Variants in IPO5 observed in about 807,000 individuals in gnomAD.
IPO5 encodes importin-5.
IPO5 carries 18 observed loss-of-function variants against 143.3 expected under a neutral mutation model. The observed-to-expected ratio is 0.13, with a 90% CI of 0.09 to 0.19. IPO5 has a LOEUF of 0.19. IPO5 is among the 10% of genes least tolerant of loss of function. The probability of loss-of-function intolerance (pLI) is 1.00; values close to 1 mark genes in which losing one functional copy is unlikely to be tolerated. For missense variants in IPO5, 1,013 were observed against 1,336.9 expected, an observed-to-expected ratio of 0.76 and a Z score of 3.78; for synonymous variants, 477 against 465.7, an observed-to-expected ratio of 1.02 and a Z score of -0.31.
At chr13:98,012,180 G>T in intron 20 of IPO5, 66 bp from the exon 21 acceptor site, 1 of 947,520 alleles carries the variant, frequency 1.1e-6, no homozygotes, top group South Asian at 1.3e-5. Context: ...TGATTTTGCT[G>T]TTTGTTAATA....
chr13:97,973,812 G>A (rs1033219304), intron 3 of IPO5, among the ~76,000 whole-genome samples: 3 of 152,184 alleles, frequency 2.0e-5, no homozygotes, highest in African/African-American at 7.2e-5. Context: ...GCGGAGGCCT[G>A]TAATCCTAGC....
chr13:97,979,763 C>G, intron 4 of IPO5: 1 of 402,352 alleles, frequency 2.5e-6, no homozygotes, highest in South Asian at 1.9e-5. Context: ...AACTCCTGGC[C>G]TCAAGTGATC....
At chr13:97,959,215 C>T (rs1884681853) in intron 2 of IPO5, among the ~76,000 whole-genome samples, 1 of 151,790 alleles carries the variant, frequency 6.6e-6, no homozygotes, top group Admixed American at 6.6e-5. Context: ...ACAGAACCAT[C>T]ACAATGCCCT....
At chr13:98,005,365 TTTTA>T (rs57168569) in intron 16 of IPO5, among the ~76,000 whole-genome samples, 2,135 of 142,104 alleles carry the variant, frequency 0.015, 30 homozygotes, top group African/African-American at 0.032. Flanking sequence ...CCTGGCTAAT[TTTTA>T]TTTATTTATT....
intron 2 of IPO5, among the ~76,000 whole-genome samples, chr13:97,968,599 T>C (rs1345417583): frequency 2.6e-5 from 4 of 152,246 alleles, no homozygotes; most frequent in Admixed American, 2.6e-4. Flanking sequence ...TGATTGAATT[T>C]TTTATTATAA....
intron 4 of IPO5, among the ~76,000 whole-genome samples, chr13:97,977,269 G>A (rs1395828938): frequency 6.6e-6 from 1 of 152,132 alleles, no homozygotes; most frequent in African/African-American, 2.4e-5. Context: ...CTCCCACACC[G>A]TCTGTCCCTC....
At chr13:97,963,483 C>A (rs1885055689) in intron 2 of IPO5, among the ~76,000 whole-genome samples, 1 of 151,622 alleles carries the variant, frequency 6.6e-6, no homozygotes, top group Admixed American at 6.6e-5. Flanking sequence ...AATTCCCTTG[C>A]CTCAGCCTCC....
At chr13:97,999,193 T>A (rs990503457) in intron 12 of IPO5, among the ~76,000 whole-genome samples, 1 of 152,208 alleles carries the variant, frequency 6.6e-6, no homozygotes, top group African/African-American at 2.4e-5. Flanking sequence ...GGAGTCAGTA[T>A]AAACTACTAG....
chr13:98,013,011 A>G (rs987107545), intron 21 of IPO5, among the ~76,000 whole-genome samples: 4 of 151,938 alleles, frequency 2.6e-5, no homozygotes, highest in Non-Finnish European at 5.9e-5. Context: ...TGAGAACCCT[A>G]CATTTCAAAT....
chr13:98,015,771 T>C lies in IPO5; in HGVS notation c.2483T>C (p.Leu828Pro). 1 of 1,605,654 alleles carries C rather than the reference T, an allele frequency of 6.2e-7. No individual in the cohort carries two copies. ...TATGATGAACAGGTCGAAGAGTCAC[T>C]ACAAGATGAGGTAAGTTATTCCCTT... is the stretch of plus-strand genomic sequence containing the variant. ...EDYDEQVEES[L>P]QDEDDNDVYI... Residue 828 changes from leucine to proline, a missense_variant, in exon 24 of 29, where the codon CTA becomes CCA. By Grantham distance (98) the Leu-to-Pro change is moderately conservative (BLOSUM62 -3). Transcript: ENST00000651721.
rs773090266 is a variant in IPO5 at position 98,021,084 on chromosome 13, A to G, written c.3158A>G (p.His1053Arg). ...GGAGAAATGCACGAGGCAATTAAAC[A>G]TGAAGATCCTTGTGCCAAACGTCTG... ...AEGEMHEAIK[H>R]EDPCAKRLAN... The change falls in exon 28 of 29, where the codon CAT (histidine) becomes CGT (arginine). Residue 1053 changes from histidine (H) to arginine (R), a missense_variant. Transcript: ENST00000651721. The G allele has an allele frequency of 6.2e-7, 1 of 1,611,260 alleles. No individual in the cohort carries two copies. The highest frequency in any genetic ancestry group is 1.1e-5 in the South Asian group (1 of 90,438).
At chr13:97,979,847 C>T in intron 4 of IPO5, 1 of 455,826 alleles carries the variant, frequency 2.2e-6, no homozygotes, top group South Asian at 1.6e-5. Flanking sequence ...TTTCAATAGA[C>T]AGAGGATAAC....
chr13:97,982,695 A>G (rs1164310166), intron 5 of IPO5, 112 bp downstream of exon 5: 1 of 716,962 alleles, frequency 1.4e-6, no homozygotes, highest in Non-Finnish European at 2.3e-6. Context: ...AGACTTTACT[A>G]GAACTTTGTA....
At chr13:97,974,452 G>A (rs780193659) in intron 3 of IPO5, among the ~76,000 whole-genome samples, 13 of 151,490 alleles carry the variant, frequency 8.6e-5, no homozygotes, top group Admixed American at 2.0e-4. Context: ...GATTACAGGC[G>A]CCCACCACCA....
rs200401552 is a variant in IPO5, at chr13:98,008,063, T to C, written c.1721T>C (p.Met574Thr). The C allele has an allele frequency of 1.4e-4, 223 of 1,600,478 alleles. 1 individual carries two copies. Among genetic ancestry groups the C allele is most frequent in the Non-Finnish European group, 1.9e-4 (217 of 1,167,928 alleles). Residue 574 changes from methionine to threonine, a missense_variant, in exon 18 of 29, where the codon ATG (methionine) becomes ACG (threonine). By Grantham distance (81) the Met-to-Thr change is moderately conservative. Transcript: ENST00000651721. ...IGLAVGKEKF[M>T]QDASDVMQLL... ...TCTCTACATATTTTCCTCTAGTTCA[T>C]GCAGGATGCATCAGATGTGATGCAG...
chr13:97,993,850 T>C (rs1316831938), intron 11 of IPO5, among the ~76,000 whole-genome samples: 1 of 152,240 alleles, frequency 6.6e-6, no homozygotes, highest in African/African-American at 2.4e-5. Context: ...ACCAGATTTA[T>C]TTTGTAGTGG....
intron 21 of IPO5, among the ~76,000 whole-genome samples, chr13:98,013,536 C>T (rs1479111970): frequency 6.6e-6 from 1 of 152,070 alleles, no homozygotes; most frequent in Non-Finnish European, 1.5e-5. Context: ...ACTTAACTTC[C>T]CAGGATGCCA....
At chr13:98,009,815 A>G (rs1410946710) in intron 18 of IPO5, 66 bp from the exon 19 acceptor site, 2 of 1,216,104 alleles carry the variant, frequency 1.6e-6, no homozygotes, top group African/African-American at 3.1e-5. Context: ...AAATAAGGAA[A>G]TGGCTTTCTT....
intron 11 of IPO5, among the ~76,000 whole-genome samples, chr13:97,995,278 G>C (rs1276499844): frequency 6.6e-6 from 1 of 151,288 alleles, no homozygotes. Context: ...TACGGGAGCA[G>C]TGTACACTGT....
Sources: gnomAD v4.1 joint callset for allele counts (sites outside exome capture counted in the v4.1 genomes callset) on GRCh38, gnomAD v4.1.1 for gene constraint, MANE v1.5 for transcripts, NCBI Gene and HGNC (gene_info 2026-07-23, HGNC 2026-07-21) for gene names.